Variants in PLCB1 observed in about 807,000 individuals in gnomAD.
PLCB1 encodes phospholipase C beta 1.
PLCB1 carries 46 observed loss-of-function variants against 161.8 expected under a neutral mutation model. The ratio of observed to expected loss-of-function variants is 0.28; its 90% CI spans 0.22 to 0.36. The LOEUF is 0.36. Among genes scored for constraint, PLCB1 ranks in the 10% least tolerant of loss-of-function variants. The pLI is 1.00. For synonymous variants in PLCB1, 517 were observed against 503.7 expected (o/e 1.03, Z -0.35); for missense variants, 1,016 against 1,472.5 (o/e 0.69, Z 5.07).
intron 12 of PLCB1, among the ~76,000 whole-genome samples, chr20:8,714,291 A>G (rs1411081897): frequency 1.3e-5 from 2 of 152,150 alleles, no homozygotes; most frequent in Admixed American, 1.3e-4. Flanking sequence ...GCTCCATGAT[A>G]CTGAGTAGCA....
At position 8,790,151 on chromosome 20, in the gene PLCB1, A is replaced by T. The variant is rs200205430; in HGVS notation, c.3337-24A>T. On this transcript the variant is annotated intron_variant, in intron 30 of 31. Coordinates refer to ENST00000338037, the MANE Select transcript of PLCB1 (RefSeq NM_015192.4). ...ACTTTTAAATGTTTAGATGAAAGTA[A>T]TGTTTCTTGTAACTTTCTTATAGCT... The T allele has an allele frequency of 1.2e-5, 19 of 1,538,318 alleles. No homozygotes were observed. In the East Asian group the frequency reaches 4.3e-4, roughly 35 times the overall value.
Position 8,685,047 on chromosome 20 carries a change from C to A in PLCB1, c.978C>A (p.Phe326Leu). The A allele has an allele frequency of 6.2e-7, 1 of 1,613,336 alleles. No homozygotes were observed. Among genetic ancestry groups the A allele is most frequent in the South Asian group, 1.1e-5 (1 of 91,068 alleles). The change falls in exon 10 of 32, where the codon TTC becomes TTA. Residue 326 changes from phenylalanine to leucine, a missense_variant. This residue lies in a region of PLCB1 where 9 missense variants were observed against 45.4 expected (regional missense o/e 0.20). Coordinates refer to ENST00000338037, the MANE Select transcript of PLCB1 (RefSeq NM_015192.4). ...EDMSQPLSHY[F>L]INSSHNTYLT... is the part of the protein sequence containing the mutation. Reference sequence around the variant, plus strand: ...TGTCTCAGCCCCTTTCTCACTATTTCATTAATTCCTCGCACAACACCTACC... The same window carrying A: ...TGTCTCAGCCCCTTTCTCACTATTTAATTAATTCCTCGCACAACACCTACC...
At chr20:8,197,673 A>G (rs1386254375) in intron 2 of PLCB1, among the ~76,000 whole-genome samples, 2 of 151,914 alleles carry the variant, frequency 1.3e-5, no homozygotes, top group African/African-American at 2.4e-5. Context: ...ATTAGATCCC[A>G]TTTGTCAATT....
At chr20:8,529,000 T>C (rs1372045929) in intron 3 of PLCB1, among the ~76,000 whole-genome samples, 1 of 152,002 alleles carries the variant, frequency 6.6e-6, no homozygotes, top group Non-Finnish European at 1.5e-5. Flanking sequence ...CGATTCCTCA[T>C]TGTGGACGGG....
At chr20:8,688,767 A>G (rs969860040) in intron 10 of PLCB1, among the ~76,000 whole-genome samples, 1 of 152,132 alleles carries the variant, frequency 6.6e-6, no homozygotes, top group African/African-American at 2.4e-5. Flanking sequence ...ATAGTTTGAA[A>G]TCAGGTAGTG....
chr20:8,232,062 C>T (rs1034834162), intron 2 of PLCB1, among the ~76,000 whole-genome samples: 1 of 152,062 alleles, frequency 6.6e-6, no homozygotes, highest in African/African-American at 2.4e-5. Context: ...TGCATTCCAG[C>T]AGGGCTTGGT....
intron 10 of PLCB1, among the ~76,000 whole-genome samples, chr20:8,688,557 A>G (rs1990407026): frequency 6.6e-6 from 1 of 152,168 alleles, no homozygotes; most frequent in African/African-American, 2.4e-5. Context: ...TCATTTTCCT[A>G]CATGTGGCTA....
chr20:8,260,076 C>A (rs1018125423), intron 2 of PLCB1, among the ~76,000 whole-genome samples: 1 of 151,588 alleles, frequency 6.6e-6, no homozygotes, highest in Non-Finnish European at 1.5e-5. Context: ...TTTTTCTTTT[C>A]ATTTCTTGTT....
chr20:8,311,198 A>C (rs1984384536), intron 2 of PLCB1, among the ~76,000 whole-genome samples: 1 of 152,218 alleles, frequency 6.6e-6, no homozygotes, highest in African/African-American at 2.4e-5. Flanking sequence ...TATAAATTTT[A>C]CCTGAATGTA....
At chr20:8,226,580 C>T (rs1979696695) in intron 2 of PLCB1, among the ~76,000 whole-genome samples, 1 of 152,074 alleles carries the variant, frequency 6.6e-6, no homozygotes, top group Admixed American at 6.6e-5. Flanking sequence ...TTCTCCATGG[C>T]TTGTTTCAGT....
chr20:8,367,521 A>T (rs527533885), intron 2 of PLCB1, among the ~76,000 whole-genome samples: 1 of 152,212 alleles, frequency 6.6e-6, no homozygotes, highest in African/African-American at 2.4e-5. Flanking sequence ...CATTTAATAG[A>T]TGAAAAAATT....
chr20:8,211,346 G>A (rs374995721), intron 2 of PLCB1, among the ~76,000 whole-genome samples: 35 of 152,104 alleles, frequency 2.3e-4, no homozygotes, highest in African/African-American at 6.5e-4. Flanking sequence ...AAAACCTACC[G>A]GAATTTCATT....
intron 3 of PLCB1, among the ~76,000 whole-genome samples, chr20:8,492,839 T>C (rs1983000544): frequency 1.0e-5 from 1 of 95,696 alleles, no homozygotes; most frequent in Non-Finnish European, 2.1e-5. Flanking sequence ...AACTTTATTA[T>C]ATATATATAT....
intron 2 of PLCB1, among the ~76,000 whole-genome samples, chr20:8,193,324 C>T (rs752501556): frequency 1.4e-4 from 21 of 151,852 alleles, no homozygotes; most frequent in Non-Finnish European, 2.8e-4. Context: ...AATATTAAAT[C>T]CCAAACCAAA....
chr20:8,166,872 T>G (rs2051680967), intron 2 of PLCB1, among the ~76,000 whole-genome samples: 1 of 152,168 alleles, frequency 6.6e-6, no homozygotes, highest in Non-Finnish European at 1.5e-5. Context: ...ACATGTTTTC[T>G]CCCCATGGAT....
intron 2 of PLCB1, among the ~76,000 whole-genome samples, chr20:8,200,289 G>A (rs2052079606): frequency 6.6e-6 from 1 of 151,864 alleles, no homozygotes; most frequent in Non-Finnish European, 1.5e-5. Flanking sequence ...CATGAAATAG[G>A]CCTTAATATT....
intron 3 of PLCB1, among the ~76,000 whole-genome samples, chr20:8,520,536 C>T (rs1321291480): frequency 6.6e-6 from 1 of 152,022 alleles, no homozygotes; most frequent in Non-Finnish European, 1.5e-5. Context: ...TACAATTTAC[C>T]TTTAGTAAAA....
intron 26 of PLCB1, among the ~76,000 whole-genome samples, chr20:8,767,909 C>T (rs931087987): frequency 3.9e-5 from 6 of 152,080 alleles, no homozygotes; most frequent in Non-Finnish European, 7.4e-5. Context: ...GTTGGCTGGG[C>T]GCAATGGCTC....
At chr20:8,215,237 C>T (rs1313714198) in intron 2 of PLCB1, among the ~76,000 whole-genome samples, 1 of 151,952 alleles carries the variant, frequency 6.6e-6, no homozygotes, top group Non-Finnish European at 1.5e-5. Context: ...TAAGCACCCA[C>T]TCAGATGTAT....
Sources: gnomAD v4.1 joint callset for allele counts (sites outside exome capture counted in the v4.1 genomes callset) on GRCh38, gnomAD v4.1.1 for gene constraint, gnomAD v4.1.1 regional missense constraint, MANE v1.5 for transcripts, NCBI Gene and HGNC (gene_info 2026-07-23, HGNC 2026-07-21) for gene names.